The following ADAD1 variants were observed in gnomAD, a reference collection of about 807,000 sequenced individuals.
The protein encoded by ADAD1 is adenosine deaminase domain-containing protein 1.
ADAD1 carries 46 observed loss-of-function variants against 66.8 expected under a neutral mutation model. The observed-to-expected ratio is 0.69, with a 90% confidence interval of 0.54 to 0.88. ADAD1 has a LOEUF of 0.88. ADAD1 is among the 40% of genes least tolerant of loss of function. The pLI is 0.00. For synonymous variants in ADAD1, 248 were observed against 229.4 expected (o/e 1.08, Z -0.73); for missense variants, 617 against 681.8 (o/e 0.91, Z 1.06).
intron 6 of ADAD1, 105 bp downstream of exon 6, chr4:122,393,762 T>A: frequency 1.2e-6 from 1 of 809,254 alleles, no homozygotes; most frequent in Non-Finnish European, 1.8e-6. Context: ...CATTAACACT[T>A]TATCATCCAA....
intron 11 of ADAD1, among the ~76,000 whole-genome samples, chr4:122,415,987 A>G (rs933783443): frequency 1.4e-4 from 22 of 152,160 alleles, no homozygotes; most frequent in Non-Finnish European, 2.9e-4. Flanking sequence ...CTTCTACTGA[A>G]TCTGACTTTG....
intron 6 of ADAD1, among the ~76,000 whole-genome samples, chr4:122,394,976 A>G (rs1795627265): frequency 6.6e-6 from 1 of 152,338 alleles, no homozygotes; most frequent in Non-Finnish European, 1.5e-5. Context: ...TTTGAGACCC[A>G]CAAATTGTTG....
chr4:122,384,794 C>T (rs1416629532), intron 5 of ADAD1, among the ~76,000 whole-genome samples: 2 of 152,038 alleles, frequency 1.3e-5, no homozygotes, highest in Admixed American at 6.5e-5. Flanking sequence ...TATTTTTTTC[C>T]CTCCTTCATA....
intron 5 of ADAD1, among the ~76,000 whole-genome samples, chr4:122,388,937 G>A (rs901670175): frequency 2.0e-5 from 3 of 151,930 alleles, no homozygotes; most frequent in Middle Eastern, 3.4e-3. Flanking sequence ...TCTTGCCTCC[G>A]AAGCTCTTTT....
intron 7 of ADAD1, among the ~76,000 whole-genome samples, chr4:122,401,276 A>G (rs766153660): frequency 1.7e-4 from 25 of 149,082 alleles, no homozygotes; most frequent in Non-Finnish European, 3.1e-4. Context: ...ATTCAAGAGC[A>G]GATTAATGTC....
intron 11 of ADAD1, among the ~76,000 whole-genome samples, chr4:122,418,622 AT>A (rs1181123423): frequency 1.3e-5 from 2 of 151,850 alleles, no homozygotes; most frequent in Non-Finnish European, 2.9e-5. Flanking sequence ...AATAAACGTT[AT>A]TTTCATGAGA....
At chr4:122,410,985 G>A (rs1324565019) in intron 8 of ADAD1, among the ~76,000 whole-genome samples, 2 of 152,158 alleles carry the variant, frequency 1.3e-5, no homozygotes, top group Non-Finnish European at 2.9e-5. Flanking sequence ...CAAAAGTGGA[G>A]TAGTAGAGAA....
intron 11 of ADAD1, among the ~76,000 whole-genome samples, chr4:122,416,126 A>G (rs1194009424): frequency 2.0e-5 from 3 of 151,976 alleles, no homozygotes; most frequent in Non-Finnish European, 4.4e-5. Flanking sequence ...GATTTTATTT[A>G]TTTATTTTTT....
intron 3 of ADAD1, 43 bp from the exon 4 acceptor site, chr4:122,380,949 G>C: frequency 1.3e-6 from 2 of 1,525,844 alleles, no homozygotes; most frequent in Non-Finnish European, 8.8e-7. Context: ...ATTTTTGTTT[G>C]TTTGTTTTAA....
At chr4:122,388,762 T>A (rs1795299468) in intron 5 of ADAD1, among the ~76,000 whole-genome samples, 1 of 152,158 alleles carries the variant, frequency 6.6e-6, no homozygotes, top group African/African-American at 2.4e-5. Context: ...TTTCTCTTCT[T>A]CTTTATTAGT....
intron 10 of ADAD1, among the ~76,000 whole-genome samples, chr4:122,414,276 G>C (rs748365561): frequency 1.8e-5 from 1 of 56,852 alleles, no homozygotes; most frequent in African/African-American, 4.6e-5. Context: ...CTTTTTTTTT[G>C]GGGGGGGGGG....
At position 122,380,537 on chromosome 4, in the gene ADAD1, A is replaced by G. The variant is rs1794843031; in HGVS notation, c.172+296A>G. 7.6e-6 allele frequency: 3 copies of G among 394,446 alleles called. No individual in the cohort carries two copies. In the East Asian group the frequency reaches 1.5e-4, roughly 20 times the overall value. The allele number at this position is 394,446 out of a possible 1,614,324, so 24.4% of individuals were successfully genotyped here. A position where few individuals can be genotyped will look rare whatever the true frequency, so the allele number is the denominator to read the frequency against. ...AGATACTGGACTTACACTGGTCTGTATTCCACATAGCACTTAGCGTAGTGT... is the reference window on the plus strand; with the variant it reads ...AGATACTGGACTTACACTGGTCTGTGTTCCACATAGCACTTAGCGTAGTGT... On this transcript the variant is annotated intron_variant, in intron 3 of 12. Coordinates refer to ENST00000296513, the MANE Select transcript of ADAD1 (RefSeq NM_139243.4).
chr4:122,405,309 C>G (rs1037277942), intron 7 of ADAD1, among the ~76,000 whole-genome samples: 5 of 152,182 alleles, frequency 3.3e-5, no homozygotes, highest in African/African-American at 1.2e-4. Flanking sequence ...CCTTTAAACC[C>G]ATGACACCTT....
At chr4:122,404,938 G>T (rs529423987) in intron 7 of ADAD1, among the ~76,000 whole-genome samples, 3 of 152,022 alleles carry the variant, frequency 2.0e-5, no homozygotes, top group African/African-American at 7.2e-5. Context: ...CCTTCTTTTG[G>T]TTAACTCTTC....
In ADAD1 at chr4:122,388,352, G is replaced by A. The variant is rs568075888; in HGVS notation, c.529+4386G>A. On this transcript the variant is annotated intron_variant, in intron 5 of 12. Transcript: ENST00000296513. Reference sequence around the variant, plus strand: ...TCCTTTTTTGTTGTGTCTTTTCCTGGTTTTAGTATCAGGATGATGCTGGCT... The same window carrying A: ...TCCTTTTTTGTTGTGTCTTTTCCTGATTTTAGTATCAGGATGATGCTGGCT... Among the ~76,000 whole-genome samples the A allele has an allele frequency of 3.3e-5, 5 of 152,248 alleles. No individual in the cohort carries two copies. The South Asian group carries it at 1.0e-3, about 32-fold the overall frequency.
At chr4:122,420,404 T>A (rs1357080793) in intron 11 of ADAD1, among the ~76,000 whole-genome samples, 3 of 152,228 alleles carry the variant, frequency 2.0e-5, no homozygotes, top group Non-Finnish European at 4.4e-5. Flanking sequence ...TCTAATAGGC[T>A]AGTCCTAGCA....
intron 6 of ADAD1, 76 bp downstream of exon 6, chr4:122,393,733 G>C (rs961318292): frequency 2.6e-6 from 3 of 1,160,898 alleles, no homozygotes; most frequent in African/African-American, 3.1e-5. Flanking sequence ...ATTAAAATAA[G>C]CATAGGTATG....
intron 5 of ADAD1, among the ~76,000 whole-genome samples, chr4:122,392,385 TC>T: frequency 6.6e-6 from 1 of 152,072 alleles, no homozygotes; most frequent in Admixed American, 6.6e-5. Flanking sequence ...AAAAATAAAG[TC>T]ATGTCCTTTG....
rs1054751973 is a variant in ADAD1 at position 122,407,273 on chromosome 4, G to A, written c.725-635G>A. ...GAAAAAAAAGAGTGATCTAGTCACT[G>A]GGGAATGGAAAGACCTAATCAGAAT... On this transcript the variant is annotated intron_variant, in intron 7 of 12. Transcript: ENST00000296513. Among the ~76,000 whole-genome samples, 9 of 152,222 alleles carry A rather than the reference G, an allele frequency of 5.9e-5. No individual in the cohort carries two copies. The East Asian group carries it at 1.5e-3, about 26-fold the overall frequency.
Sources: allele counts gnomAD v4.1 joint callset (sites outside exome capture counted in the v4.1 genomes callset), GRCh38; gene constraint gnomAD v4.1.1; transcripts MANE v1.5; gene names NCBI Gene and HGNC (gene_info 2026-07-23, HGNC 2026-07-21).